The following ITPR3 variants were observed in gnomAD, a reference collection of about 807,000 sequenced individuals.
ITPR3 encodes the protein inositol 1,4,5-trisphosphate receptor type 3.
Under a neutral mutation model 293.2 loss-of-function variants are expected in ITPR3, and 173 were observed. The observed-to-expected ratio is 0.59, with a 90% CI of 0.52 to 0.67. ITPR3 has a LOEUF of 0.67. Ranked by LOEUF, ITPR3 falls within the 30% of genes least tolerant of loss-of-function variation. The pLI, the probability that ITPR3 is intolerant of heterozygous loss-of-function variation, is 0.00. For synonymous variants in ITPR3, 1,295 were observed against 1,444.4 expected (o/e 0.90, Z 2.35); for missense variants, 2,796 against 3,592.1 (o/e 0.78, Z 5.66).
At chr6:33,648,960 C>T (rs528905639) in intron 2 of ITPR3, among the ~76,000 whole-genome samples, 18 of 152,050 alleles carry the variant, frequency 1.2e-4, no homozygotes, top group African/African-American at 4.3e-4. Context: ...AGTGCAGTGG[C>T]GCAATCTCGG....
chr6:33,686,395 C>T lies in ITPR3; in HGVS notation c.5869-14C>T. 6.2e-7 allele frequency: 1 copy of T among 1,610,984 alleles called. No individual in the cohort carries two copies. The highest frequency in any genetic ancestry group is 1.1e-5 in the South Asian group (1 of 90,996). ...GAGGGCCTGGGCCCTGTGTCCCCCA[C>T]TGCCTCCTGCCAGACTTGCATTGTG... On this transcript the variant is annotated splice_polypyrimidine_tract_variant and intron_variant, in intron 42 of 57. Coordinates refer to ENST00000605930, the MANE Select transcript of ITPR3 (RefSeq NM_002224.4).
In ITPR3 at chr6:33,667,394, G is replaced by T; in HGVS notation, c.1713+104G>T. On this transcript the variant is annotated intron_variant, in intron 15 of 57. Coordinates refer to ENST00000605930, the MANE Select transcript of ITPR3 (RefSeq NM_002224.4). This position sits in a 1 kb window ranked among gnomAD's most constrained non-coding sequence, Gnocchi z 4.4. ...GTGCCAGGCACTGTTTTGGGGCCTA[G>T]GGTCCAGTAGGGCACCAGACAGCAG... 2.1e-6 allele frequency: 3 copies of T among 1,400,436 alleles called. No individual in the cohort carries two copies. The South Asian group carries it at 4.2e-5, about 20-fold the overall frequency. 86.8% of individuals were successfully genotyped at this position (1,400,436 alleles called of 1,614,324 possible). A position where few individuals can be genotyped will look rare whatever the true frequency, so the allele number is the denominator to read the frequency against.
Position 33,682,363 on chromosome 6 carries a change from A to C in ITPR3, c.4477-161A>C, listed in dbSNP as rs1201478521. 1.3e-5 allele frequency among the ~76,000 whole-genome samples: 2 copies of C among 152,094 alleles called. No individual in the cohort carries two copies. The highest frequency in any genetic ancestry group is 3.9e-4 in the East Asian group (2 of 5,186). On this transcript the variant is annotated intron_variant, in intron 33 of 57. Transcript: ENST00000605930. The surrounding 1 kb of genome is among the most constrained non-coding windows in gnomAD (Gnocchi z 5.4). ...GGGCAGGTCGTGCACTGCTGAAGGG[A>C]ATACAAGTACCTTTTTCCAACTGGC...
chr6:33,629,927 C>G (rs990898557), intron 1 of ITPR3, among the ~76,000 whole-genome samples: 1 of 151,970 alleles, frequency 6.6e-6, no homozygotes, highest in Non-Finnish European at 1.5e-5. Flanking sequence ...TCCGTCTCTA[C>G]TAAAAATACA....
At chr6:33,635,767 A>C (rs1382843470) in intron 1 of ITPR3, among the ~76,000 whole-genome samples, 1 of 151,796 alleles carries the variant, frequency 6.6e-6, no homozygotes, top group Admixed American at 6.6e-5. Flanking sequence ...TGGGCAGAGG[A>C]AGGAGCCAGT....
At chr6:33,681,682 G>C (rs148052806) in intron 33 of ITPR3, among the ~76,000 whole-genome samples, 1 of 152,170 alleles carries the variant, frequency 6.6e-6, no homozygotes. Flanking sequence ...GAGCTGGGGT[G>C]GGGTGGGATC....
rs202210879 is a variant in ITPR3, at chr6:33,664,889, C to T, written c.1168C>T (p.Arg390Trp). 66 of 1,613,740 alleles carry T rather than the reference C, an allele frequency of 4.1e-5. No individual in the cohort carries two copies. The highest frequency in any genetic ancestry group is 5.3e-5 in the Non-Finnish European group (62 of 1,179,956). ...CTGCAGGAACTCGTACGTCCGGCTG[C>T]GGCACCTCTGCACCAACACGTGGAT... is the stretch of plus-strand genomic sequence containing the variant. ...FVPRNSYVRL[R>W]HLCTNTWIQS... The change falls in exon 12 of 58, where the codon CGG becomes TGG. Residue 390 changes from arginine (R) to tryptophan (W), a missense_variant. Arg to Trp is a moderately radical substitution (Grantham distance 101). This residue lies in a region of ITPR3 where 955 missense variants were observed against 1,180.8 expected (regional missense o/e 0.81). Coordinates refer to ENST00000605930, the MANE Select transcript of ITPR3 (RefSeq NM_002224.4). This position sits in a 1 kb window ranked among gnomAD's most constrained non-coding sequence, Gnocchi z 4.4.
chr6:33,639,160 C>T (rs1763889680), intron 1 of ITPR3, among the ~76,000 whole-genome samples: 1 of 152,062 alleles, frequency 6.6e-6, no homozygotes, highest in Non-Finnish European at 1.5e-5. Context: ...GCAGGTGGAT[C>T]ACGAGGTCAG....
Position 33,686,146 on chromosome 6 carries a change from G to T in ITPR3, c.5761G>T (p.Gly1921Cys). ...CATCATGTGCGGCAGCACCACGGGC[G>T]GCCTGGGGCTGCTGGGGCTCTACAT... is the stretch of plus-strand genomic sequence containing the variant. ...LDIMCGSTTG[G>C]LGLLGLYINE... Residue 1921 changes from glycine to cysteine, a missense_variant, in exon 42 of 58, where the codon GGC (glycine) becomes TGC (cysteine). Around this residue, in one of 8 missense-constraint regions of ITPR3, gnomAD observed 704 missense variants for 797.5 expected, o/e 0.88. Transcript: ENST00000605930. 1 of 1,614,174 alleles carries T rather than the reference G, an allele frequency of 6.2e-7. No homozygotes were observed. The highest frequency in any genetic ancestry group is 8.5e-7 in the Non-Finnish European group (1 of 1,180,032).
Position 33,624,891 on chromosome 6 carries a change from T to C in ITPR3, c.89+3200T>C, listed in dbSNP as rs534878743. Among the ~76,000 whole-genome samples the C allele has an allele frequency of 2.0e-5, 3 of 152,268 alleles. No homozygotes were observed. The South Asian group carries it at 6.2e-4, about 32-fold the overall frequency. ...TCAGTGCAAAGTGGACGAGGCCAAT[T>C]AGAGCCTCCTGGAGAATTAGAGGTC... On this transcript the variant is annotated intron_variant, in intron 1 of 57. Transcript: ENST00000605930. This position sits in a 1 kb window ranked among gnomAD's most constrained non-coding sequence, Gnocchi z 4.7.
chr6:33,694,847 C>G (rs997276437), intron 56 of ITPR3, 77 bp from the exon 57 acceptor site: 3 of 1,575,758 alleles, frequency 1.9e-6, no homozygotes, highest in African/African-American at 1.4e-5. Flanking sequence ...AAGCCTCCCC[C>G]CACATTACTG....
intron 51 of ITPR3, 77 bp from the exon 52 acceptor site, chr6:33,690,840 G>T: frequency 7.3e-7 from 1 of 1,367,962 alleles, no homozygotes; most frequent in Non-Finnish European, 1.0e-6. Flanking sequence ...AGCCCTCAGG[G>T]TTCCAGTGGC....
chr6:33,674,121 G>A, intron 23 of ITPR3, 87 bp from the exon 24 acceptor site: 1 of 1,488,278 alleles, frequency 6.7e-7, no homozygotes, highest in Non-Finnish European at 9.3e-7. Context: ...CCAGTGCAGG[G>A]AAGAGGGTGG....
At chr6:33,651,003 G>A (rs555895603) in intron 2 of ITPR3, among the ~76,000 whole-genome samples, 5 of 152,120 alleles carry the variant, frequency 3.3e-5, no homozygotes, top group South Asian at 4.1e-4. Context: ...GTTGCCGGGC[G>A]GGGTGGTTCA....
At chr6:33,659,168 C>G (rs1403049839) in intron 6 of ITPR3, 49 bp downstream of exon 6, 1 of 1,534,766 alleles carries the variant, frequency 6.5e-7, no homozygotes, top group African/African-American at 1.4e-5. Flanking sequence ...TCCACACACC[C>G]CTGGTGGTGT....
At chr6:33,648,092 G>A (rs1363672285) in intron 2 of ITPR3, among the ~76,000 whole-genome samples, 2 of 149,754 alleles carry the variant, frequency 1.3e-5, no homozygotes, top group East Asian at 3.9e-4. Context: ...TTGAGACAGG[G>A]TCTTGCTCTG....
In ITPR3 at chr6:33,695,005, C is replaced by G. The variant is rs778145976; in HGVS notation, c.7867C>G (p.Arg2623Gly). ...NEGEGEQNEI[R>G]ILQDKLNSTM... ...GGGCGAGGGGGAGCAGAATGAGATT[C>G]GGATTCTCCAGGACAAGCTCAACTC... Residue 2623 changes from arginine to glycine, a missense_variant, in exon 57 of 58, where the codon CGG becomes GGG. Around this residue, in one of 8 missense-constraint regions of ITPR3, gnomAD observed 568 missense variants for 796.1 expected, o/e 0.71. Transcript: ENST00000605930. The G allele has an allele frequency of 6.2e-7, 1 of 1,614,130 alleles. No individual in the cohort carries two copies. Among genetic ancestry groups the G allele is most frequent in the South Asian group, 1.1e-5 (1 of 91,074 alleles).
At chr6:33,645,262 A>G (rs1413897668) in intron 2 of ITPR3, among the ~76,000 whole-genome samples, 1 of 152,174 alleles carries the variant, frequency 6.6e-6, no homozygotes, top group Non-Finnish European at 1.5e-5. Context: ...TGAACCCGGG[A>G]GGCGGAGGTT....
chr6:33,665,206 G>T lies in ITPR3; in HGVS notation c.1402G>T (p.Asp468Tyr). Residue 468 changes from aspartate (D) to tyrosine (Y), a missense_variant, in exon 13 of 58, where the codon GAC (aspartate) becomes TAC (tyrosine). By Grantham distance (160) the Asp-to-Tyr change is radical (BLOSUM62 -3). Coordinates refer to ENST00000605930, the MANE Select transcript of ITPR3 (RefSeq NM_002224.4). The part of the protein sequence containing the change: ...KLNEGFISQN[D>Y]RRFVIQLLED... The stretch of plus-strand genomic sequence containing the variant: ...CAACGAGGGCTTCATCAGCCAGAAT[G>T]ACCGCAGGTGGGCTGCAGTGGCACA... 1.2e-6 allele frequency: 2 copies of T among 1,613,424 alleles called. No individual in the cohort carries two copies. Among genetic ancestry groups the T allele is most frequent in the South Asian group, 1.1e-5 (1 of 91,032 alleles).
Sources: gnomAD v4.1 joint callset for allele counts (sites outside exome capture counted in the v4.1 genomes callset) on GRCh38, gnomAD v4.1.1 for gene constraint, gnomAD v4.1.1 regional missense constraint, Gnocchi (gnomAD v3.1) non-coding constraint, MANE v1.5 for transcripts, NCBI Gene and HGNC (gene_info 2026-07-23, HGNC 2026-07-21) for gene names.